MEGF11: variants seen among roughly 807,000 people sequenced by gnomAD.
The protein encoded by MEGF11 is multiple epidermal growth factor-like domains protein 11.
A neutral mutation model predicts 146.6 loss-of-function variants in MEGF11; 126 were observed. That is an observed-to-expected ratio of 0.86 (90% CI 0.74 to 1.00). The LOEUF is 1.00. Among genes scored for constraint, MEGF11 ranks in the 50% least tolerant of loss-of-function variants. The probability of loss-of-function intolerance (pLI) is 0.00; values close to 1 mark genes in which losing one functional copy is unlikely to be tolerated. For missense variants in MEGF11, 1,509 were observed against 1,521.2 expected (o/e 0.99, Z 0.13); for synonymous variants, 532 against 583.4 (o/e 0.91, Z 1.27).
intron 5 of MEGF11, among the ~76,000 whole-genome samples, chr15:66,010,975 G>A (rs563521296): frequency 1.7e-3 from 254 of 152,318 alleles, no homozygotes; most frequent in Non-Finnish European, 3.3e-3. Context: ...CCCAGCTAGA[G>A]CACTGGGGAC....
intron 1 of MEGF11, among the ~76,000 whole-genome samples, chr15:66,243,170 C>T (rs924642734): frequency 6.6e-6 from 1 of 152,248 alleles, no homozygotes; most frequent in African/African-American, 2.4e-5. Context: ...TCGGTTTCCC[C>T]ATTTGCCCCT....
At chr15:66,081,066 C>T (rs1280491261) in intron 5 of MEGF11, among the ~76,000 whole-genome samples, 1 of 152,226 alleles carries the variant, frequency 6.6e-6, no homozygotes, top group Non-Finnish European at 1.5e-5. Flanking sequence ...ACCCACTGCA[C>T]GCATGAGCTA....
Position 65,982,568 on chromosome 15 carries a change from G to A in MEGF11, c.395-80C>T. ...AGGGGCCAGGAACCGATGCCCATGC[G>A]GCCTTCCCATCTTTGCAGCGCTGCT... On this transcript the variant is annotated intron_variant, in intron 5 of 25. Transcript: ENST00000395614. The surrounding 1 kb of genome is among the most constrained non-coding windows in gnomAD (Gnocchi z 5.6). 4 of 1,394,920 alleles carry A rather than the reference G, an allele frequency of 2.9e-6. No homozygotes were observed. Among genetic ancestry groups the A allele is most frequent in the Non-Finnish European group, 2.8e-6 (3 of 1,074,554 alleles). The allele number at this position is 1,394,920 out of a possible 1,614,324, so 86.4% of individuals were successfully genotyped here.
chr15:66,163,091 G>A (rs757510474), intron 1 of MEGF11, among the ~76,000 whole-genome samples: 1 of 152,138 alleles, frequency 6.6e-6, no homozygotes, highest in Non-Finnish European at 1.5e-5. Flanking sequence ...AGACCCAGAT[G>A]CTGAGGCCTG....
At chr15:66,243,420 T>TCCAACCTG (rs2092248018) in intron 1 of MEGF11, among the ~76,000 whole-genome samples, 1 of 152,208 alleles carries the variant, frequency 6.6e-6, no homozygotes, top group Admixed American at 6.5e-5. Flanking sequence ...TCCCTGGACC[T>TCCAACCTG]CCAACCTGCC....
chr15:66,001,566 CCT>C (rs1026147830), intron 5 of MEGF11, among the ~76,000 whole-genome samples: 2 of 152,028 alleles, frequency 1.3e-5, no homozygotes, highest in African/African-American at 4.8e-5. Flanking sequence ...TGGTGTCTCT[CCT>C]CTCTCTCTGT....
In MEGF11 at chr15:66,145,369, C is replaced by G. The variant is rs144256072; in HGVS notation, c.-8-16958G>C. The stretch of plus-strand genomic sequence containing the variant: ...AAAAAAATTCAATATTGGGTTTTGT[C>G]TCATTTCAAAGCCACTTACAAAGTG... On this transcript the variant is annotated intron_variant, in intron 1 of 25. Transcript: ENST00000395614. 1.4e-4 allele frequency among the ~76,000 whole-genome samples: 21 copies of G among 152,006 alleles called. No individual in the cohort carries two copies. The East Asian group carries it at 3.9e-3, about 28-fold the overall frequency.
rs1373164120 is a variant in MEGF11 at position 66,123,929 on chromosome 15, A to C, written c.170T>G (p.Ile57Ser). Residue 57 changes from isoleucine to serine, a missense_variant, in exon 3 of 26, where the codon ATC (isoleucine) becomes AGC (serine). Coordinates refer to ENST00000395614, the MANE Select transcript of MEGF11 (RefSeq NM_001385028.1). ...CCTGGTGCACTTGAACCAGTTGAGGATGTCTGTGCATCGTGTGTAATAGAT... is the reference window on the plus strand; with the variant it reads ...CCTGGTGCACTTGAACCAGTTGAGGCTGTCTGTGCATCGTGTGTAATAGAT... The part of the protein sequence containing the change: ...DQIYYTRCTD[I>S]LNWFKCTRHR... 2 of 1,613,998 alleles carry C rather than the reference A, an allele frequency of 1.2e-6. No homozygotes were observed. Among genetic ancestry groups the C allele is most frequent in the East Asian group, 4.5e-5 (2 of 44,890 alleles).
intron 14 of MEGF11, 87 bp from the exon 15 acceptor site, chr15:65,922,559 A>T: frequency 6.9e-7 from 1 of 1,454,112 alleles, no homozygotes; most frequent in Non-Finnish European, 9.1e-7. Context: ...TCTCAGAAAC[A>T]TGGGGAGACC....
intron 7 of MEGF11, among the ~76,000 whole-genome samples, chr15:65,972,734 G>A (rs1156971879): frequency 6.6e-6 from 1 of 152,194 alleles, no homozygotes; most frequent in African/African-American, 2.4e-5. Context: ...AGGGGACTCA[G>A]TAAAGACATT....
At chr15:66,028,887 C>T (rs1251192564) in intron 5 of MEGF11, among the ~76,000 whole-genome samples, 1 of 152,150 alleles carries the variant, frequency 6.6e-6, no homozygotes, top group Non-Finnish European at 1.5e-5. Flanking sequence ...GGTGGAAGGA[C>T]TAGAGGTGAT....
intron 5 of MEGF11, among the ~76,000 whole-genome samples, chr15:66,085,835 A>G (rs1444616665): frequency 1.3e-5 from 2 of 152,256 alleles, no homozygotes; most frequent in Non-Finnish European, 1.5e-5. Flanking sequence ...TCCCTGATTT[A>G]CATGAAAAAG....
At chr15:66,181,855 C>T (rs2090558472) in intron 1 of MEGF11, among the ~76,000 whole-genome samples, 2 of 152,166 alleles carry the variant, frequency 1.3e-5, no homozygotes, top group Non-Finnish European at 2.9e-5. Flanking sequence ...AACTGACCTC[C>T]CATCCTGTGA....
At chr15:65,968,708 C>T (rs1043450542) in intron 8 of MEGF11, among the ~76,000 whole-genome samples, 2 of 152,196 alleles carry the variant, frequency 1.3e-5, no homozygotes, top group African/African-American at 4.8e-5. Context: ...TAGTTTTCTA[C>T]TTAAACATCC....
chr15:66,094,678 G>A (rs1340018302), intron 4 of MEGF11, among the ~76,000 whole-genome samples, 184 bp from the exon 5 acceptor site: 1 of 152,158 alleles, frequency 6.6e-6, no homozygotes, highest in Non-Finnish European at 1.5e-5. Context: ...ACTCCAGAAT[G>A]GATCCTACAA....
At chr15:66,068,302 T>C (rs1389052670) in intron 5 of MEGF11, among the ~76,000 whole-genome samples, 1 of 152,182 alleles carries the variant, frequency 6.6e-6, no homozygotes, top group East Asian at 1.9e-4. Flanking sequence ...GGTTTCTCTG[T>C]AGTGGCACTA....
At chr15:65,928,029 G>A (rs182809891) in intron 13 of MEGF11, among the ~76,000 whole-genome samples, 1 of 152,306 alleles carries the variant, frequency 6.6e-6, no homozygotes, top group Admixed American at 6.5e-5. Flanking sequence ...GTGGCAGTGG[G>A]ATGGAGAGAA....
chr15:66,138,554 G>A (rs890508267), intron 1 of MEGF11, among the ~76,000 whole-genome samples: 6 of 152,128 alleles, frequency 3.9e-5, no homozygotes, highest in Non-Finnish European at 8.8e-5. Flanking sequence ...GCCCGGTCGG[G>A]TCACGGCCGG....
Position 65,929,767 on chromosome 15 carries a change from A to G in MEGF11, c.1525T>C (p.Ser509Pro). Residue 509 changes from serine (S) to proline (P), a missense_variant, in exon 12 of 26, where the codon TCC becomes CCC. Transcript: ENST00000395614. ...TCTCCCAGCCAGCCAGGAGTGCAGG[A>G]GCAGGAGCCGTCTATGGGGCTGCAG... Reference protein sequence around the residue: ...AACSPIDGSCSCTPGWLGDTC... With the variant: ...AACSPIDGSCPCTPGWLGDTC... 1.2e-5 allele frequency: 18 copies of G among 1,554,564 alleles called. No homozygotes were observed. The highest frequency in any genetic ancestry group is 1.6e-5 in the Non-Finnish European group (18 of 1,148,740).
Sources: gnomAD v4.1 joint callset for allele counts (sites outside exome capture counted in the v4.1 genomes callset) on GRCh38, gnomAD v4.1.1 for gene constraint, Gnocchi (gnomAD v3.1) non-coding constraint, MANE v1.5 for transcripts, NCBI Gene and HGNC (gene_info 2026-07-23, HGNC 2026-07-21) for gene names.